The following TNS1 variants were observed in gnomAD, a reference collection of about 807,000 sequenced individuals.
TNS1 encodes the protein tensin-1.
A neutral mutation model predicts 168.6 loss-of-function variants in TNS1; 62 were observed. That is an observed-to-expected ratio of 0.37 (90% CI 0.30 to 0.45). The LOEUF (loss-of-function observed/expected upper bound fraction) is 0.45, where lower values mean the gene tolerates loss of function less well. Ranked by LOEUF, TNS1 falls within the 20% of genes least tolerant of loss-of-function variation. The pLI is 1.00. For missense variants in TNS1, 2,240 were observed against 2,339.4 expected (o/e 0.96, Z 0.88); for synonymous variants, 934 against 933.2 (o/e 1.00, Z -0.02).
At chr2:217,883,373 T>G (rs927719533) in intron 16 of TNS1, among the ~76,000 whole-genome samples, 2 of 152,188 alleles carry the variant, frequency 1.3e-5, no homozygotes, top group African/African-American at 4.8e-5. Flanking sequence ...CAAGTGATCC[T>G]CCTGCCTCAG....
chr2:217,988,759 C>G lies in TNS1; in HGVS notation c.148+2183G>C, dbSNP rs1186722733. Among the ~76,000 whole-genome samples, 3 of 152,252 alleles carry G rather than the reference C, an allele frequency of 2.0e-5. No homozygotes were observed. The South Asian group carries it at 6.2e-4, about 32-fold the overall frequency. On this transcript the variant is annotated intron_variant, in intron 2 of 32. Coordinates refer to ENST00000682258, the MANE Select transcript of TNS1 (RefSeq NM_001387777.1). ...TCCTGGTTAGCCACTTTCCCTCCCCCTGAGAGCCCACGTCCTGAAATCCCC... is the reference window on the plus strand; with the variant it reads ...TCCTGGTTAGCCACTTTCCCTCCCCGTGAGAGCCCACGTCCTGAAATCCCC...
chr2:217,859,532 C>T (rs537525710), intron 18 of TNS1: 1 of 990,168 alleles, frequency 1.0e-6, no homozygotes, highest in East Asian at 2.6e-5. Context: ...GGGACAGGAG[C>T]CCCAACATGA....
At chr2:218,031,365 T>A (rs553599901) in intron 1 of TNS1, among the ~76,000 whole-genome samples, 3 of 151,160 alleles carry the variant, frequency 2.0e-5, no homozygotes, top group African/African-American at 7.3e-5. Context: ...GTGTTGTGTG[T>A]GAGCATGTCT....
intron 3 of TNS1, among the ~76,000 whole-genome samples, chr2:217,953,998 A>G (rs752303753): frequency 2.6e-5 from 4 of 152,216 alleles, no homozygotes; most frequent in African/African-American, 9.7e-5. Flanking sequence ...AAGACTCAGG[A>G]GAGCATTTAG....
At chr2:217,999,361 A>T (rs1247200658) in intron 1 of TNS1, among the ~76,000 whole-genome samples, 1 of 152,194 alleles carries the variant, frequency 6.6e-6, no homozygotes. Flanking sequence ...TCAAAACCGA[A>T]CAACCCTATA....
At chr2:218,010,673 A>C (rs991952532), upstream of TNS1, among the ~76,000 whole-genome samples, 4 of 147,634 alleles carry the variant, frequency 2.7e-5, no homozygotes, top group Non-Finnish European at 6.0e-5. Flanking sequence ...AGGAAGGAGC[A>C]GCAGCCGCGG....
chr2:218,006,633 G>C (rs1958659433), upstream of TNS1, among the ~76,000 whole-genome samples: 1 of 152,264 alleles, frequency 6.6e-6, no homozygotes, highest in Non-Finnish European at 1.5e-5. Flanking sequence ...AGCGGGCAAG[G>C]GGTCACAAGG....
At chr2:217,812,063 T>A (rs138169913) in intron 28 of TNS1, among the ~76,000 whole-genome samples, 2 of 152,298 alleles carry the variant, frequency 1.3e-5, no homozygotes, top group East Asian at 3.9e-4. Flanking sequence ...TGTCCCCTAC[T>A]TCTGTCTCCT....
intron 3 of TNS1, among the ~76,000 whole-genome samples, chr2:217,943,214 C>A (rs1037912189): frequency 1.3e-5 from 2 of 152,130 alleles, no homozygotes; most frequent in Non-Finnish European, 2.9e-5. Flanking sequence ...GCACTTCTGC[C>A]AGTCTGTGCC....
chr2:217,977,970 G>A (rs1957936647), intron 3 of TNS1, among the ~76,000 whole-genome samples: 1 of 152,198 alleles, frequency 6.6e-6, no homozygotes. Context: ...AGGCAGAGCT[G>A]AGCCCATTGG....
chr2:217,829,578 T>C (rs1246205011), intron 22 of TNS1, among the ~76,000 whole-genome samples: 1 of 152,200 alleles, frequency 6.6e-6, no homozygotes, highest in South Asian at 2.1e-4. Flanking sequence ...AGGAGCGTTT[T>C]GGTCAACAAG....
chr2:217,859,775 G>T, intron 18 of TNS1: 1 of 1,203,358 alleles, frequency 8.3e-7, no homozygotes, highest in Non-Finnish European at 1.2e-6. Flanking sequence ...CAACCACCCA[G>T]ATCCGAGAGC....
rs949718070 is a variant in TNS1 at position 217,893,008 on chromosome 2, T to A, written c.722A>T (p.Asn241Ile). Reference protein sequence around the residue: ...HNVVVLHNKGNRGRIGVVIAA... With the variant: ...HNVVVLHNKGIRGRIGVVIAA... ...GATGACAACTCCTATCCTGCCTCGGTTTCCCTGAAAGAGCCCCAAACACAA... is the reference window on the plus strand; with the variant it reads ...GATGACAACTCCTATCCTGCCTCGGATTCCCTGAAAGAGCCCCAAACACAA... The change falls in exon 11 of 33, where the codon AAC becomes ATC. Residue 241 changes from asparagine (N) to isoleucine (I), a missense_variant. Physicochemically the swap from Asn to Ile is moderately radical, Grantham distance 149. This residue lies in a region of TNS1 where 2,131 missense variants were observed against 2,171.2 expected (regional missense o/e 0.98). Transcript: ENST00000682258. The A allele has an allele frequency of 5.0e-6, 8 of 1,614,124 alleles. No individual in the cohort carries two copies. Among genetic ancestry groups the A allele is most frequent in the Non-Finnish European group, 6.8e-6 (8 of 1,180,000 alleles).
chr2:217,975,126 G>A (rs1007435628), intron 3 of TNS1, among the ~76,000 whole-genome samples: 50 of 152,122 alleles, frequency 3.3e-4, no homozygotes, highest in African/African-American at 1.2e-3. Context: ...GGAGAGGTCC[G>A]TGTGGTGAGA....
chr2:218,007,576 G>GGT (rs1553626892), upstream of TNS1, among the ~76,000 whole-genome samples: 4 of 135,092 alleles, frequency 3.0e-5, no homozygotes, highest in South Asian at 1.1e-3. Context: ...TGGGGGGGGG[G>GGT]GTTCAGCCAG....
rs142869725 is a variant in TNS1 at position 217,842,188 on chromosome 2, C to A, written c.3007+5322G>T. ...TTACCTGTCCTCAACCCCTCGGTGA[C>A]ATTGCCCAGTGCTATGCTTAATCTG... On this transcript the variant is annotated intron_variant, in intron 19 of 32. Coordinates refer to ENST00000682258, the MANE Select transcript of TNS1 (RefSeq NM_001387777.1). The A allele has an allele frequency of 7.7e-4, 540 of 699,894 alleles. 7 individuals carry two copies. The East Asian group carries it at 0.012, about 16-fold the overall frequency. 43.4% of individuals were successfully genotyped at this position (699,894 alleles called of 1,614,324 possible).
At chr2:217,850,007 CA>C in intron 18 of TNS1, 1 of 985,444 alleles carries the variant, frequency 1.0e-6, no homozygotes, top group Non-Finnish European at 1.2e-6. Context: ...TGCCCACTGC[CA>C]CATTTCCAGA....
intron 1 of TNS1, among the ~76,000 whole-genome samples, chr2:218,001,847 A>C (rs1308084877): frequency 6.6e-6 from 1 of 151,572 alleles, no homozygotes; most frequent in East Asian, 2.0e-4. Flanking sequence ...AGGACTGGCC[A>C]GAACAAGGAA....
chr2:217,886,726 A>G, intron 12 of TNS1, 80 bp from the exon 13 acceptor site: 5 of 1,146,074 alleles, frequency 4.4e-6, no homozygotes, highest in Non-Finnish European at 5.1e-6. Context: ...TTCCAAGAAC[A>G]TTGCCCTAGA....
Sources: allele counts gnomAD v4.1 joint callset (sites outside exome capture counted in the v4.1 genomes callset), GRCh38; gene constraint gnomAD v4.1.1; regional missense constraint gnomAD v4.1.1; transcripts MANE v1.5; gene names NCBI Gene and HGNC (gene_info 2026-07-23, HGNC 2026-07-21).